BLCAP: variants seen among roughly 807,000 people sequenced by gnomAD.
The protein encoded by BLCAP is BLCAP apoptosis inducing factor, also known as apoptosis inducing factor BLCAP.
Under a neutral mutation model 5.7 loss-of-function variants are expected in BLCAP, and 1 was observed. That is an observed-to-expected ratio of 0.18 (90% CI 0.06 to 0.83). BLCAP has a LOEUF of 0.83. Ranked by LOEUF, BLCAP falls within the 40% of genes least tolerant of loss-of-function variation. The pLI, the probability that BLCAP is intolerant of heterozygous loss-of-function variation, is 0.71. For missense variants in BLCAP, 66 were observed against 107.6 expected (o/e 0.61, Z 1.71); for synonymous variants, 48 against 49.4 (o/e 0.97, Z 0.11).
chr20:37,525,219 CATGA>C (rs2071698491), intron 1 of BLCAP, among the ~76,000 whole-genome samples: 1 of 152,202 alleles, frequency 6.6e-6, no homozygotes, highest in Non-Finnish European at 1.5e-5. Flanking sequence ...ATGTGTTCTC[CATGA>C]AGGCTGACCC....
chr20:37,519,192 G>C lies in BLCAP; in HGVS notation c.-18C>G. 1 of 1,562,778 alleles carries C rather than the reference G, an allele frequency of 6.4e-7. No homozygotes were observed. Among genetic ancestry groups the C allele is most frequent in the Admixed American group, 1.9e-5 (1 of 52,714 alleles). ...CAATACATGATCTCTGCCGGGCAGG[G>C]CCTTCACCAAGGCTGCCGGGCACCG... is the stretch of plus-strand genomic sequence containing the variant. On this transcript the variant is annotated 5_prime_UTR_variant, in exon 2 of 2. Transcript: ENST00000373537.
At chr20:37,522,682 C>T (rs1189025288) in intron 1 of BLCAP, 3 of 1,612,062 alleles carry the variant, frequency 1.9e-6, no homozygotes, top group East Asian at 2.2e-5. Flanking sequence ...CAGGTACTCC[C>T]TGCAGAAGCT....
rs1481264602 is a variant in BLCAP, at chr20:37,519,013, C to T, written c.162G>A (p.Leu54=). The T allele has an allele frequency of 2.5e-6, 4 of 1,614,090 alleles. No homozygotes were observed. The African/African-American group carries it at 5.3e-5, about 22-fold the overall frequency. The part of the protein sequence containing the change: ...TICALVFLAA[L]FLICYSCWGN... ...CCCAGCAGCTATAGCAGATAAGGAACAGGGCTGCCAGGAAAACCAAGGCAC... is the reference window on the plus strand; with the variant it reads ...CCCAGCAGCTATAGCAGATAAGGAATAGGGCTGCCAGGAAAACCAAGGCAC... Residue 54 remains leucine (L), a synonymous_variant, in exon 2 of 2, where the codon CTG becomes CTA. Transcript: ENST00000373537.
In BLCAP at chr20:37,519,192, G is replaced by A; in HGVS notation, c.-18C>T. ...CAATACATGATCTCTGCCGGGCAGG[G>A]CCTTCACCAAGGCTGCCGGGCACCG... On this transcript the variant is annotated 5_prime_UTR_variant, in exon 2 of 2. Coordinates refer to ENST00000373537, the MANE Select transcript of BLCAP (RefSeq NM_006698.4). 2.6e-6 allele frequency: 4 copies of A among 1,562,778 alleles called. No individual in the cohort carries two copies. Among genetic ancestry groups the A allele is most frequent in the Non-Finnish European group, 3.5e-6 (4 of 1,152,986 alleles).
chr20:37,523,422 G>C (rs2071659408), intron 1 of BLCAP: 1 of 152,630 alleles, frequency 6.6e-6, no homozygotes, highest in Non-Finnish European at 1.5e-5. Context: ...AGCAGTAAAA[G>C]TAAATGAATC....
intron 1 of BLCAP, chr20:37,520,696 T>A (rs1437844094): frequency 6.6e-6 from 1 of 152,466 alleles, no homozygotes; most frequent in Non-Finnish European, 1.5e-5. Context: ...GTAAGAGAGA[T>A]GTAAAGAATC....
chr20:37,521,142 C>T lies in BLCAP; in HGVS notation c.-176-1792G>A. 3.0e-6 allele frequency: 2 copies of T among 657,600 alleles called. No homozygotes were observed. Among genetic ancestry groups the T allele is most frequent in the Non-Finnish European group, 5.5e-6 (2 of 365,932 alleles). 40.7% of individuals were successfully genotyped at this position (657,600 alleles called of 1,614,324 possible). A position where few individuals can be genotyped will look rare whatever the true frequency, so the allele number is the denominator to read the frequency against. ...ATGGATTATTTTTTTCCTCTCCTGG[C>T]GAATGAGGAGCGCCCCCAGCCACCC... On this transcript the variant is annotated intron_variant, in intron 1 of 1. Transcript: ENST00000373537. This position sits in a 1 kb window ranked among gnomAD's most constrained non-coding sequence, Gnocchi z 4.5.
intron 1 of BLCAP, chr20:37,522,944 C>A: frequency 1.7e-6 from 1 of 580,258 alleles, no homozygotes; most frequent in East Asian, 2.9e-5. Flanking sequence ...GACGAAGATA[C>A]CAGATCCCTT....
intron 1 of BLCAP, among the ~76,000 whole-genome samples, chr20:37,525,419 C>T (rs73101504): frequency 0.16 from 24,772 of 152,214 alleles, 2,743 homozygotes; most frequent in Middle Eastern, 0.39. Flanking sequence ...CCTGGTAGCC[C>T]CAGAGCTTTC....
intron 1 of BLCAP, among the ~76,000 whole-genome samples, chr20:37,523,875 C>T (rs902576926): frequency 9.9e-5 from 15 of 152,194 alleles, no homozygotes; most frequent in African/African-American, 3.4e-4. Flanking sequence ...AAAGGACCAT[C>T]TCCCCCTCTC....
chr20:37,527,492 C>T (rs1052383981), intron 1 of BLCAP: 2 of 152,326 alleles, frequency 1.3e-5, no homozygotes, highest in Admixed American at 6.5e-5. Flanking sequence ...AGCCCCGTGC[C>T]CCCGGCTCTG....
In BLCAP at chr20:37,519,134, G is replaced by C; in HGVS notation, c.41C>G (p.Pro14Arg). The change falls in exon 2 of 2, where the codon CCC (proline) becomes CGC (arginine). Residue 14 changes from proline (P) to arginine (R), a missense_variant. Transcript: ENST00000373537. Reference protein sequence around the residue: ...LQWLLPVLLIPKPLNPALWFS... With the variant: ...LQWLLPVLLIRKPLNPALWFS... ...CCACAGGGCGGGGTTGAGGGGCTTG[G>C]GGATGAGGAGGACGGGCAGCAGCCA... The C allele has an allele frequency of 6.2e-7, 1 of 1,605,664 alleles. No individual in the cohort carries two copies. Among genetic ancestry groups the C allele is most frequent in the Non-Finnish European group, 8.5e-7 (1 of 1,176,562 alleles).
intron 1 of BLCAP, chr20:37,520,733 C>T (rs1394897889): frequency 6.5e-6 from 1 of 152,866 alleles, no homozygotes; most frequent in East Asian, 1.9e-4. Context: ...CAGGCACCCT[C>T]ATGAAGCAGA....
intron 1 of BLCAP, chr20:37,522,864 C>T: frequency 9.5e-7 from 1 of 1,050,254 alleles, no homozygotes; most frequent in South Asian, 1.6e-5. Flanking sequence ...CCCTGTGTTC[C>T]CTCGCCAGAG....
intron 1 of BLCAP, 27 bp from the exon 2 acceptor site, chr20:37,519,377 C>A: frequency 1.4e-5 from 1 of 70,374 alleles, no homozygotes; most frequent in Non-Finnish European, 2.6e-5. Flanking sequence ...ACACAACAGA[C>A]AAACAGACAA....
Position 37,521,641 on chromosome 20 carries a change from G to C in BLCAP, c.-176-2291C>G. The C allele has an allele frequency of 1.9e-6, 1 of 531,356 alleles. No homozygotes were observed. The highest frequency in any genetic ancestry group is 5.0e-4 in the Middle Eastern group (1 of 2,010). The allele number at this position is 531,356 out of a possible 1,614,324, so 32.9% of individuals were successfully genotyped here. A position where few individuals can be genotyped will look rare whatever the true frequency, so the allele number is the denominator to read the frequency against. On this transcript the variant is annotated intron_variant, in intron 1 of 1. Coordinates refer to ENST00000373537, the MANE Select transcript of BLCAP (RefSeq NM_006698.4). The surrounding 1 kb of genome is among the most constrained non-coding windows in gnomAD (Gnocchi z 4.5). Reference sequence around the variant, plus strand: ...CCAGGGAACAAAGACTCGGGGCGCGGCGGGCGACCGCTGCGGACGATCACC... The same window carrying C: ...CCAGGGAACAAAGACTCGGGGCGCGCCGGGCGACCGCTGCGGACGATCACC...
At position 37,521,234 on chromosome 20, in the gene BLCAP, C is replaced by A; in HGVS notation, c.-176-1884G>T. ...TGGCGGGCGGGTACTTAAGGCGCGG[C>A]CACCGCGGCTGCGGCAGTGCGCCCA... is the stretch of plus-strand genomic sequence containing the variant. On this transcript the variant is annotated intron_variant, in intron 1 of 1. Transcript: ENST00000373537. This position sits in a 1 kb window ranked among gnomAD's most constrained non-coding sequence, Gnocchi z 4.5. 1 of 1,298,636 alleles carries A rather than the reference C, an allele frequency of 7.7e-7. No individual in the cohort carries two copies. The highest frequency in any genetic ancestry group is 1.1e-6 in the Non-Finnish European group (1 of 898,568). The allele number at this position is 1,298,636 out of a possible 1,614,324, so 80.4% of individuals were successfully genotyped here.
At chr20:37,520,952 G>A (rs569200639) in intron 1 of BLCAP, among the ~76,000 whole-genome samples, 2 of 152,204 alleles carry the variant, frequency 1.3e-5, no homozygotes, top group South Asian at 4.2e-4. Flanking sequence ...CTGGGGAGAA[G>A]GGCGCCACAC....
Position 37,521,327 on chromosome 20 carries a change from G to A in BLCAP, c.-176-1977C>T, listed in dbSNP as rs1244924933. ...CTCGACCACCCACCTACCATTCTTG[G>A]AACCATGGCGGCAGTGGCGGCGGCC... On this transcript the variant is annotated intron_variant, in intron 1 of 1. Transcript: ENST00000373537. The surrounding 1 kb of genome is among the most constrained non-coding windows in gnomAD (Gnocchi z 4.5). 6.2e-7 allele frequency: 1 copy of A among 1,614,012 alleles called. No homozygotes were observed. Among genetic ancestry groups the A allele is most frequent in the Admixed American group, 1.7e-5 (1 of 60,020 alleles).
Sources: gnomAD v4.1 joint callset for allele counts (sites outside exome capture counted in the v4.1 genomes callset) on GRCh38, gnomAD v4.1.1 for gene constraint, Gnocchi (gnomAD v3.1) non-coding constraint, MANE v1.5 for transcripts, NCBI Gene and HGNC (gene_info 2026-07-23, HGNC 2026-07-21) for gene names.